Variants in GRM7 observed in about 807,000 individuals in gnomAD.
GRM7 encodes the protein glutamate metabotropic receptor 7, also known as metabotropic glutamate receptor 7.
GRM7 carries 35 observed loss-of-function variants against 84.5 expected under a neutral mutation model. The observed-to-expected ratio is 0.41, with a 90% CI of 0.32 to 0.55. The LOEUF (loss-of-function observed/expected upper bound fraction) is 0.55, where lower values mean the gene tolerates loss of function less well. Ranked by LOEUF, GRM7 falls within the 20% of genes least tolerant of loss-of-function variation. The pLI, the probability that GRM7 is intolerant of heterozygous loss-of-function variation, is 0.19. For synonymous variants in GRM7, 487 were observed against 455.1 expected (o/e 1.07, Z -0.89); for missense variants, 1,003 against 1,194.6 (o/e 0.84, Z 2.36).
At chr3:6,953,566 G>T (rs148058931) in intron 1 of GRM7, among the ~76,000 whole-genome samples, 1 of 152,072 alleles carries the variant, frequency 6.6e-6, no homozygotes, top group Non-Finnish European at 1.5e-5. Context: ...ATCCACTCAC[G>T]CTCTTAAGGG....
At chr3:7,529,989 C>T (rs1700968901) in intron 7 of GRM7, among the ~76,000 whole-genome samples, 1 of 149,628 alleles carries the variant, frequency 6.7e-6, no homozygotes, top group East Asian at 2.0e-4. Flanking sequence ...ATGTGCAGAA[C>T]GTGCAGGTTT....
At chr3:7,681,951 T>G (rs1328657387) in intron 9 of GRM7, 2 of 152,134 alleles carry the variant, frequency 1.3e-5, no homozygotes, top group South Asian at 2.1e-4. Context: ...TAGAAATAAG[T>G]TTCAGCATAA....
intron 1 of GRM7, among the ~76,000 whole-genome samples, chr3:7,007,087 T>C (rs1340462731): frequency 6.6e-6 from 1 of 152,326 alleles, no homozygotes; most frequent in Non-Finnish European, 1.5e-5. Context: ...TCCTTCGGTC[T>C]CCAGCTTAAA....
At chr3:7,396,991 T>G (rs1161603996) in intron 4 of GRM7, among the ~76,000 whole-genome samples, 2 of 152,104 alleles carry the variant, frequency 1.3e-5, no homozygotes, top group Non-Finnish European at 2.9e-5. Flanking sequence ...CCTTGAACAT[T>G]CAAGGAAGAT....
intron 7 of GRM7, among the ~76,000 whole-genome samples, chr3:7,488,231 G>A (rs746571650): frequency 6.6e-6 from 1 of 152,102 alleles, no homozygotes; most frequent in Non-Finnish European, 1.5e-5. Flanking sequence ...GACCCTTTGG[G>A]TTGATGCTAG....
intron 4 of GRM7, among the ~76,000 whole-genome samples, chr3:7,310,559 A>G (rs1043825597): frequency 1.3e-5 from 2 of 152,126 alleles, no homozygotes; most frequent in East Asian, 3.9e-4. Context: ...GGGGAAAAAA[A>G]ATGAGAAAGA....
rs560092889 is a variant in GRM7, at chr3:6,943,204, C to T, written c.519+81297C>T. Among the ~76,000 whole-genome samples, 9 of 151,844 alleles carry T rather than the reference C, an allele frequency of 5.9e-5. No individual in the cohort carries two copies. The East Asian group carries it at 1.4e-3, about 23-fold the overall frequency. ...GAGTCTTTCAAAAAACTGAAGTTTT[C>T]AGTTGTGATAAAGTCTAATTTATAT... On this transcript the variant is annotated intron_variant, in intron 1 of 9. Coordinates refer to ENST00000357716, the MANE Select transcript of GRM7 (RefSeq NM_000844.4).
intron 9 of GRM7, among the ~76,000 whole-genome samples, chr3:7,718,594 A>G (rs1262195808): frequency 6.6e-6 from 1 of 152,156 alleles, no homozygotes; most frequent in African/African-American, 2.4e-5. Context: ...CACCCACAGC[A>G]CACCAAGAGT....
At chr3:7,408,580 A>T (rs926767199) in intron 4 of GRM7, among the ~76,000 whole-genome samples, 6 of 152,120 alleles carry the variant, frequency 3.9e-5, no homozygotes, top group Non-Finnish European at 8.8e-5. Context: ...TTCAATTTAC[A>T]TCAGTTAATA....
At chr3:7,074,730 T>A (rs1698004213) in intron 1 of GRM7, among the ~76,000 whole-genome samples, 1 of 152,150 alleles carries the variant, frequency 6.6e-6, no homozygotes, top group Non-Finnish European at 1.5e-5. Flanking sequence ...AGCAAAGAGT[T>A]TGAGAAATAC....
At chr3:7,577,318 A>G (rs781658119) in intron 7 of GRM7, among the ~76,000 whole-genome samples, 1 of 152,164 alleles carries the variant, frequency 6.6e-6, no homozygotes, top group Non-Finnish European at 1.5e-5. Context: ...AAATCTTGCA[A>G]ACTCTATTGT....
At chr3:7,316,469 A>G (rs937210367) in intron 4 of GRM7, among the ~76,000 whole-genome samples, 11 of 152,182 alleles carry the variant, frequency 7.2e-5, no homozygotes, top group Admixed American at 2.6e-4. Context: ...GAGAGATGAC[A>G]GTAGGGTGAA....
intron 8 of GRM7, among the ~76,000 whole-genome samples, chr3:7,634,813 G>T (rs1698014123): frequency 6.6e-6 from 1 of 150,870 alleles, no homozygotes; most frequent in Non-Finnish European, 1.5e-5. Flanking sequence ...AAAAGAAAAA[G>T]AAAAAGAAAA....
At chr3:7,619,805 A>C (rs951931442) in intron 8 of GRM7, among the ~76,000 whole-genome samples, 1 of 152,172 alleles carries the variant, frequency 6.6e-6, no homozygotes, top group Admixed American at 6.6e-5. Flanking sequence ...TGTTTTGTCA[A>C]CAGTCCCACA....
chr3:7,497,721 A>G (rs1376283402), intron 7 of GRM7, among the ~76,000 whole-genome samples: 1 of 152,196 alleles, frequency 6.6e-6, no homozygotes, highest in African/African-American at 2.4e-5. Context: ...AAAAGAGCAT[A>G]AATTTGAAAT....
chr3:7,668,570 T>C (rs1027819200), intron 8 of GRM7, among the ~76,000 whole-genome samples: 14 of 152,230 alleles, frequency 9.2e-5, no homozygotes, highest in African/African-American at 1.4e-4. Context: ...AGAAAAGTCT[T>C]TGCTGAGAAA....
intron 7 of GRM7, among the ~76,000 whole-genome samples, chr3:7,523,118 T>C (rs551820269): frequency 1.8e-4 from 27 of 152,298 alleles, no homozygotes; most frequent in Non-Finnish European, 3.8e-4. Flanking sequence ...TATGGTATTT[T>C]ATTACAGCAG....
rs137955832 is a variant in GRM7, at chr3:7,624,324, G to C, written c.2451+44967G>C. 6.9e-4 allele frequency among the ~76,000 whole-genome samples: 105 copies of C among 152,196 alleles called. 1 individual carries two copies. Among genetic ancestry groups the C allele is most frequent in the African/African-American group, 2.3e-3 (96 of 41,532 alleles). ...ATCTTAGCATGAGGGATGCCATGTG[G>C]ACATCAGGGGTTAAGGATTTGAAGT... On this transcript the variant is annotated intron_variant, in intron 8 of 9. Transcript: ENST00000357716.
intron 9 of GRM7, among the ~76,000 whole-genome samples, chr3:7,714,273 A>C (rs1701698770): frequency 6.6e-6 from 1 of 151,984 alleles, no homozygotes; most frequent in Non-Finnish European, 1.5e-5. Context: ...AACTGAGGCA[A>C]CTCTTTCCAT....
Sources: allele counts gnomAD v4.1 joint callset (sites outside exome capture counted in the v4.1 genomes callset), GRCh38; gene constraint gnomAD v4.1.1; transcripts MANE v1.5; gene names NCBI Gene and HGNC (gene_info 2026-07-23, HGNC 2026-07-21).